Variants in JMJD1C observed in about 807,000 individuals in gnomAD.
JMJD1C encodes jumonji domain containing 1C, also known as jumonji domain-containing protein 1C.
JMJD1C carries 31 observed loss-of-function variants against 245.3 expected under a neutral mutation model. The ratio of observed to expected loss-of-function variants is 0.13; its 90% CI spans 0.09 to 0.17. The LOEUF is 0.17. JMJD1C is among the 10% of genes least tolerant of loss of function. JMJD1C has a pLI of 1.00. For missense variants in JMJD1C, 2,691 were observed against 3,000.2 expected (o/e 0.90, Z 2.41); for synonymous variants, 1,057 against 1,017.4 (o/e 1.04, Z -0.74).
intron 1 of JMJD1C, among the ~76,000 whole-genome samples, chr10:63,388,450 C>G (rs936606317): frequency 6.6e-6 from 1 of 151,560 alleles, no homozygotes; most frequent in Non-Finnish European, 1.5e-5. Context: ...GAAAATTCAT[C>G]ATCACTAGAC....
intron 2 of JMJD1C, among the ~76,000 whole-genome samples, chr10:63,376,685 A>G (rs753390526): frequency 2.6e-5 from 4 of 152,254 alleles, no homozygotes; most frequent in African/African-American, 9.6e-5. Flanking sequence ...GCTCAACATC[A>G]CATTAAGCAT....
intron 2 of JMJD1C, among the ~76,000 whole-genome samples, chr10:63,355,635 G>A (rs1014311838): frequency 1.3e-5 from 2 of 152,082 alleles, no homozygotes; most frequent in African/African-American, 4.8e-5. Flanking sequence ...TTGGAAAAGA[G>A]AACTTTTCCA....
At chr10:63,225,323 T>C (rs1352051670) in intron 3 of JMJD1C, among the ~76,000 whole-genome samples, 1 of 152,154 alleles carries the variant, frequency 6.6e-6, no homozygotes, top group African/African-American at 2.4e-5. Context: ...TCACTAAGCA[T>C]CTGCTTTATT....
chr10:63,437,655 G>A (rs1017818368), intron 1 of JMJD1C, among the ~76,000 whole-genome samples: 3 of 152,064 alleles, frequency 2.0e-5, no homozygotes, highest in Non-Finnish European at 4.4e-5. Context: ...TTTCCCAAAT[G>A]CCTTGTCAAT....
chr10:63,353,879 TA>T lies in JMJD1C; in HGVS notation c.333+26438del, dbSNP rs1944578681. Among the ~76,000 whole-genome samples, 3 of 142,252 alleles carry T rather than the reference TA, an allele frequency of 2.1e-5. No homozygotes were observed. The Admixed American group carries it at 2.1e-4, about 10-fold the overall frequency. The allele number at this position is 142,252 out of a possible 152,430, so 93.3% of individuals were successfully genotyped here. On this transcript the variant is annotated intron_variant, in intron 2 of 25. Coordinates refer to ENST00000399262, the MANE Select transcript of JMJD1C (RefSeq NM_032776.3). ...GTTTTTGAGATGGAGTCTCGCTTGGTAGCCAGGCTGGAGTGCAGTGGTGCCA... is the reference window on the plus strand; with the variant it reads ...GTTTTTGAGATGGAGTCTCGCTTGGTGCCAGGCTGGAGTGCAGTGGTGCCA...
chr10:63,245,014 G>C (rs1248737676), intron 3 of JMJD1C, among the ~76,000 whole-genome samples: 2 of 151,422 alleles, frequency 1.3e-5, no homozygotes, highest in African/African-American at 4.8e-5. Context: ...GCAGGTGCCT[G>C]TAATCCTAGC....
At chr10:63,488,830 T>G (rs1954079107) in intron 1 of JMJD1C, among the ~76,000 whole-genome samples, 1 of 152,198 alleles carries the variant, frequency 6.6e-6, no homozygotes, top group South Asian at 2.1e-4. Context: ...GCTGGTAATG[T>G]GCTGTTTCTT....
Position 63,360,367 on chromosome 10 carries a change from AGAAAT to A in JMJD1C, c.333+19946_333+19950del, listed in dbSNP as rs1404754056. Among the ~76,000 whole-genome samples, 9 of 152,352 alleles carry A rather than the reference AGAAAT, an allele frequency of 5.9e-5. No homozygotes were observed. In the East Asian group the frequency reaches 1.5e-3, roughly 26 times the overall value. On this transcript the variant is annotated intron_variant, in intron 2 of 25. Coordinates refer to ENST00000399262, the MANE Select transcript of JMJD1C (RefSeq NM_032776.3). ...CAGTGAGACCCTGTCTCCGAATAAA[AGAAAT>A]GAAATCTTAAAATGTACTTTGTTTA...
chr10:63,334,795 A>T (rs1156926386), intron 2 of JMJD1C, among the ~76,000 whole-genome samples: 2 of 148,836 alleles, frequency 1.3e-5, no homozygotes, highest in African/African-American at 4.9e-5. Flanking sequence ...TGCAACCTCC[A>T]CCTCCCGGGT....
At chr10:63,285,001 TG>T (rs1857830118) in intron 2 of JMJD1C, among the ~76,000 whole-genome samples, 1 of 152,248 alleles carries the variant, frequency 6.6e-6, no homozygotes, top group South Asian at 2.1e-4. Flanking sequence ...CTTTGGGATT[TG>T]GGAGGAAACC....
intron 1 of JMJD1C, among the ~76,000 whole-genome samples, chr10:63,500,893 G>A (rs546136164): frequency 1.3e-5 from 2 of 152,208 alleles, no homozygotes; most frequent in South Asian, 4.2e-4. Context: ...ATAGAAGGTA[G>A]CTTGGTTAAA....
intron 1 of JMJD1C, among the ~76,000 whole-genome samples, chr10:63,430,905 G>A (rs984556559): frequency 9.2e-5 from 14 of 152,032 alleles, no homozygotes; most frequent in African/African-American, 1.7e-4. Flanking sequence ...ACACCATACC[G>A]GCTAATTTTT....
At chr10:63,469,986 A>G (rs1953438850), upstream of JMJD1C, among the ~76,000 whole-genome samples, 1 of 152,172 alleles carries the variant, frequency 6.6e-6, no homozygotes, top group African/African-American at 2.4e-5. Flanking sequence ...AATCACATTT[A>G]TGATAATGAT....
intron 12 of JMJD1C, among the ~76,000 whole-genome samples, chr10:63,197,933 A>G (rs1366488646): frequency 1.3e-5 from 2 of 152,212 alleles, no homozygotes; most frequent in Non-Finnish European, 2.9e-5. Flanking sequence ...TCAGTTATGC[A>G]ACCAAAGATG....
chr10:63,268,064 G>C (rs1855832117), intron 2 of JMJD1C, among the ~76,000 whole-genome samples: 1 of 151,762 alleles, frequency 6.6e-6, no homozygotes, highest in Admixed American at 6.6e-5. Flanking sequence ...AGGAGCTTAT[G>C]TCTGCAGTCT....
chr10:63,517,366 A>G (rs369823877), intron 1 of JMJD1C, among the ~76,000 whole-genome samples: 79 of 152,292 alleles, frequency 5.2e-4, no homozygotes, highest in African/African-American at 1.9e-3. Flanking sequence ...TAACAGTCTA[A>G]TTACCCTTAG....
chr10:63,465,328 C>A lies in JMJD1C; in HGVS notation c.168+167G>T, dbSNP rs1589800858. On this transcript the variant is annotated intron_variant, in intron 1 of 25. Transcript: ENST00000399262. Reference sequence around the variant, plus strand: ...ACAGGGGAAGCCGCTCGGAGAGACGCAGGGACCCAGGCAAGGGATGCGGGC... The same window carrying A: ...ACAGGGGAAGCCGCTCGGAGAGACGAAGGGACCCAGGCAAGGGATGCGGGC... 8.5e-6 allele frequency: 6 copies of A among 701,980 alleles called. No homozygotes were observed. In the East Asian group the frequency reaches 1.4e-4, roughly 16 times the overall value. 43.5% of individuals were successfully genotyped at this position (701,980 alleles called of 1,614,324 possible).
At chr10:63,274,770 G>A (rs1225488638) in intron 2 of JMJD1C, among the ~76,000 whole-genome samples, 1 of 152,112 alleles carries the variant, frequency 6.6e-6, no homozygotes, top group Non-Finnish European at 1.5e-5. Flanking sequence ...GGTATAAAAT[G>A]GCTTCTATGT....
chr10:63,253,550 A>T (rs1044444657), intron 3 of JMJD1C, among the ~76,000 whole-genome samples: 2 of 151,788 alleles, frequency 1.3e-5, no homozygotes, highest in African/African-American at 4.8e-5. Context: ...TGTCCAGCTA[A>T]TTTTTTTGTA....
Sources: allele counts gnomAD v4.1 joint callset (sites outside exome capture counted in the v4.1 genomes callset), GRCh38; gene constraint gnomAD v4.1.1; transcripts MANE v1.5; gene names NCBI Gene and HGNC (gene_info 2026-07-23, HGNC 2026-07-21).